Variants in PNPLA8 observed in about 807,000 individuals in gnomAD.
The protein encoded by PNPLA8 is calcium-independent phospholipase A2-gamma.
Under a neutral mutation model 76.9 loss-of-function variants are expected in PNPLA8, and 39 were observed. That is an observed-to-expected ratio of 0.51 (90% confidence interval 0.39 to 0.66). The LOEUF is 0.66. Among genes scored for constraint, PNPLA8 ranks in the 30% least tolerant of loss-of-function variants. The pLI is 0.00. For synonymous variants in PNPLA8, 301 were observed against 307.9 expected, an observed-to-expected ratio of 0.98 and a Z score of 0.24; for missense variants, 887 against 918.0, an observed-to-expected ratio of 0.97 and a Z score of 0.44.
rs756351922 is a variant in PNPLA8, at chr7:108,487,934, A to C, written c.1703T>G (p.Ile568Arg). The C allele has an allele frequency of 2.0e-5, 32 of 1,610,236 alleles. No homozygotes were observed. The highest frequency in any genetic ancestry group is 2.4e-5 in the Non-Finnish European group (28 of 1,177,144). Residue 568 changes from isoleucine to arginine, a missense_variant, in exon 9 of 11, where the codon ATA (isoleucine) becomes AGA (arginine). Physicochemically the swap from Ile to Arg is moderately conservative, Grantham distance 97 (BLOSUM62 -3). Transcript: ENST00000257694. ...TTTGGGTGTTATCCCTCTATTTACT[A>C]TGGTACTTACAGCAGCTACCTAGTG... Reference protein sequence around the residue: ...TCPKVAAVSTIVNRGITPKAF... With the variant: ...TCPKVAAVSTRVNRGITPKAF...
chr7:108,517,223 T>C (rs1403983518), intron 2 of PNPLA8, among the ~76,000 whole-genome samples: 1 of 152,198 alleles, frequency 6.6e-6, no homozygotes, highest in African/African-American at 2.4e-5. Context: ...ACATATCTAT[T>C]AGAATGGCCA....
chr7:108,508,795 C>A (rs1299020325), intron 4 of PNPLA8, among the ~76,000 whole-genome samples: 1 of 151,590 alleles, frequency 6.6e-6, no homozygotes, highest in Non-Finnish European at 1.5e-5. Flanking sequence ...GCTACAGTAA[C>A]CAAAACAGCA....
At chr7:108,487,154 T>C (rs980674357) in intron 9 of PNPLA8, among the ~76,000 whole-genome samples, 21 of 152,164 alleles carry the variant, frequency 1.4e-4, no homozygotes, top group African/African-American at 4.6e-4. Context: ...CACATGAATT[T>C]AAAAGAGTAT....
chr7:108,495,597 T>C (rs1208434909), intron 7 of PNPLA8, among the ~76,000 whole-genome samples: 1 of 152,162 alleles, frequency 6.6e-6, no homozygotes, highest in Non-Finnish European at 1.5e-5. Flanking sequence ...ATAATAATTA[T>C]TTTAAGAAGA....
chr7:108,512,105 T>G (rs141610190), intron 4 of PNPLA8, among the ~76,000 whole-genome samples: 4,075 of 152,252 alleles, frequency 0.027, 72 homozygotes, highest in Middle Eastern at 0.058. Context: ...AGGATCTAAG[T>G]AACCACCACA....
At chr7:108,495,699 A>G (rs1445567732) in intron 7 of PNPLA8, among the ~76,000 whole-genome samples, 1 of 152,180 alleles carries the variant, frequency 6.6e-6, no homozygotes, top group Non-Finnish European at 1.5e-5. Context: ...TTTCTATGAC[A>G]GCATTGTTCA....
upstream of PNPLA8, chr7:108,526,204 G>A: frequency 1.7e-6 from 1 of 590,890 alleles, no homozygotes; most frequent in East Asian, 1.4e-4. Flanking sequence ...TGACGCGCTA[G>A]AAGTTTGGGT....
At chr7:108,506,868 G>A (rs1454022729) in intron 4 of PNPLA8, among the ~76,000 whole-genome samples, 2 of 152,118 alleles carry the variant, frequency 1.3e-5, no homozygotes, top group Admixed American at 6.5e-5. Flanking sequence ...CATTCAGGGT[G>A]GTGGTTATAT....
In PNPLA8 at chr7:108,513,994, T is replaced by C. The variant is rs1863116769; in HGVS notation, c.1206+150A>G. On this transcript the variant is annotated intron_variant, in intron 4 of 10. Transcript: ENST00000257694. ...GATTAGCATAATGTATGTCACAAAA[T>C]AAATAGGGTAATTACTGAATACACA... 3 of 566,190 alleles carry C rather than the reference T, an allele frequency of 5.3e-6. No individual in the cohort carries two copies. The East Asian group carries it at 8.2e-5, about 16-fold the overall frequency. 35.1% of individuals were successfully genotyped at this position (566,190 alleles called of 1,614,324 possible).
At chr7:108,481,383 C>T (rs935152173) in intron 9 of PNPLA8, among the ~76,000 whole-genome samples, 2 of 152,078 alleles carry the variant, frequency 1.3e-5, no homozygotes, top group Non-Finnish European at 2.9e-5. Flanking sequence ...TGGTACTGTC[C>T]GTATTATTTT....
intron 10 of PNPLA8, among the ~76,000 whole-genome samples, chr7:108,477,340 T>A (rs377569143): frequency 6.6e-6 from 1 of 152,164 alleles, no homozygotes; most frequent in Admixed American, 6.5e-5. Context: ...AAATTTCAGA[T>A]AGTGAAAAAT....
chr7:108,508,662 T>A (rs1350822178), intron 4 of PNPLA8, among the ~76,000 whole-genome samples: 25 of 141,530 alleles, frequency 1.8e-4, no homozygotes, highest in African/African-American at 5.8e-4. Context: ...CTTCACAGAA[T>A]TGGAAAAAAC....
intron 2 of PNPLA8, among the ~76,000 whole-genome samples, chr7:108,516,437 A>G (rs1020993115): frequency 6.6e-6 from 1 of 152,190 alleles, no homozygotes; most frequent in African/African-American, 2.4e-5. Context: ...TATACCTATC[A>G]AAAAAATTAA....
chr7:108,482,472 T>C (rs1860466550), intron 9 of PNPLA8, among the ~76,000 whole-genome samples: 1 of 152,148 alleles, frequency 6.6e-6, no homozygotes, highest in Admixed American at 6.6e-5. Flanking sequence ...ACTCTGTCTC[T>C]AAATAAATAA....
intron 1 of PNPLA8, among the ~76,000 whole-genome samples, chr7:108,524,591 G>A (rs1190853304): frequency 2.0e-5 from 3 of 152,206 alleles, no homozygotes; most frequent in African/African-American, 4.8e-5. Flanking sequence ...TTGGGAGGCC[G>A]AGGCGGGCGG....
In PNPLA8 at chr7:108,472,218, T is replaced by G. The variant is rs1382436379; in HGVS notation, c.*183A>C. On this transcript the variant is annotated 3_prime_UTR_variant, in exon 11 of 11. Transcript: ENST00000257694. ...ACATCTTAAAAGCCTAGTTCCCATATGAATTCTGTAACCAAGAATATTCTC... is the reference window on the plus strand; with the variant it reads ...ACATCTTAAAAGCCTAGTTCCCATAGGAATTCTGTAACCAAGAATATTCTC... 1 of 487,160 alleles carries G rather than the reference T, an allele frequency of 2.1e-6. No homozygotes were observed. The highest frequency in any genetic ancestry group is 2.0e-5 in the African/African-American group (1 of 49,436). The allele number at this position is 487,160 out of a possible 1,614,324, so 30.2% of individuals were successfully genotyped here. A position where few individuals can be genotyped will look rare whatever the true frequency, so the allele number is the denominator to read the frequency against.
chr7:108,523,137 G>A (rs571598214), intron 1 of PNPLA8, among the ~76,000 whole-genome samples: 5 of 152,298 alleles, frequency 3.3e-5, no homozygotes, highest in South Asian at 2.1e-4. Context: ...ACAAAACGGA[G>A]AGGCTGGGAC....
At chr7:108,505,949 G>T (rs1862390126) in intron 4 of PNPLA8, among the ~76,000 whole-genome samples, 1 of 152,064 alleles carries the variant, frequency 6.6e-6, no homozygotes, top group South Asian at 2.1e-4. Context: ...ATCTGGAATA[G>T]GTACTTCACA....
intron 5 of PNPLA8, among the ~76,000 whole-genome samples, chr7:108,499,542 G>A (rs150346907): frequency 1.2e-4 from 19 of 152,244 alleles, no homozygotes; most frequent in Admixed American, 9.2e-4. Context: ...CAGCAGAACC[G>A]CTGACATTCT....
Sources: gnomAD v4.1 joint callset for allele counts (sites outside exome capture counted in the v4.1 genomes callset) on GRCh38, gnomAD v4.1.1 for gene constraint, MANE v1.5 for transcripts, NCBI Gene and HGNC (gene_info 2026-07-23, HGNC 2026-07-21) for gene names.